The following PIEZO2 variants were observed in gnomAD, a reference collection of about 807,000 sequenced individuals.
PIEZO2 encodes piezo type mechanosensitive ion channel component 2.
A neutral mutation model predicts 337.3 loss-of-function variants in PIEZO2; 172 were observed. The ratio of observed to expected loss-of-function variants is 0.51; its 90% CI spans 0.45 to 0.58. PIEZO2 has a LOEUF of 0.58. Among genes scored for constraint, PIEZO2 ranks in the 20% least tolerant of loss-of-function variants. The probability of loss-of-function intolerance (pLI) is 0.00; values close to 1 mark genes in which losing one functional copy is unlikely to be tolerated. For missense variants in PIEZO2, 3,028 were observed against 3,391.3 expected (o/e 0.89, Z 2.66); for synonymous variants, 1,251 against 1,228.5 (o/e 1.02, Z -0.38).
chr18:10,699,519 C>T (rs982271851), intron 43 of PIEZO2, among the ~76,000 whole-genome samples: 4 of 152,278 alleles, frequency 2.6e-5, no homozygotes, highest in East Asian at 1.9e-4. Context: ...GCTCCTGCTC[C>T]CCTTCTGCCA....
chr18:10,682,618 C>T lies in PIEZO2; in HGVS notation c.7498-326G>A, dbSNP rs1469394792. Among the ~76,000 whole-genome samples the T allele has an allele frequency of 2.0e-5, 3 of 151,916 alleles. No homozygotes were observed. Among genetic ancestry groups the T allele is most frequent in the Non-Finnish European group, 4.4e-5 (3 of 68,010 alleles). ...CTCCTGGACCAAGGGATCAAGTATC[C>T]GGCCGAATGAACCTTCTGGTTTTAA... On this transcript the variant is annotated intron_variant, in intron 49 of 55. Coordinates refer to ENST00000674853, the MANE Select transcript of PIEZO2 (RefSeq NM_001378183.1). The surrounding 1 kb of genome is among the most constrained non-coding windows in gnomAD (Gnocchi z 5.6).
Position 11,053,690 on chromosome 18 carries a change from A to C in PIEZO2, c.160+12437T>G, listed in dbSNP as rs573570320. Reference sequence around the variant, plus strand: ...CCATATTGACCAGTATGTGGCACTCACTATATCATAAGTTATAAGGAACCT... The same window carrying C: ...CCATATTGACCAGTATGTGGCACTCCCTATATCATAAGTTATAAGGAACCT... On this transcript the variant is annotated intron_variant, in intron 2 of 55. Coordinates refer to ENST00000674853, the MANE Select transcript of PIEZO2 (RefSeq NM_001378183.1). 6.6e-5 allele frequency among the ~76,000 whole-genome samples: 10 copies of C among 152,334 alleles called. No individual in the cohort carries two copies. The East Asian group carries it at 1.7e-3, about 26-fold the overall frequency.
At position 10,746,384 on chromosome 18, in the gene PIEZO2, G is replaced by C. The variant is rs1024364944; in HGVS notation, c.4424+2087C>G. Among the ~76,000 whole-genome samples the C allele has an allele frequency of 6.6e-6, 1 of 152,112 alleles. No homozygotes were observed. Among genetic ancestry groups the C allele is most frequent in the African/African-American group, 2.4e-5 (1 of 41,410 alleles). ...GCTGCAGTCACTGTGAGCTTCTGAT[G>C]GCTACTTCCCTCCGTAGTTTCACTG... On this transcript the variant is annotated intron_variant, in intron 30 of 55. Coordinates refer to ENST00000674853, the MANE Select transcript of PIEZO2 (RefSeq NM_001378183.1). The surrounding 1 kb of genome is among the most constrained non-coding windows in gnomAD (Gnocchi z 4.2).
Position 10,724,360 on chromosome 18 carries a change from A to G in PIEZO2, c.5030-6101T>C, listed in dbSNP as rs60744741. Among the ~76,000 whole-genome samples, 7,028 of 152,212 alleles carry G rather than the reference A, an allele frequency of 0.046. 542 individuals carry two copies. Among genetic ancestry groups the G allele is most frequent in the African/African-American group, 0.16 (6,658 of 41,512 alleles). On this transcript the variant is annotated intron_variant, in intron 36 of 55. Coordinates refer to ENST00000674853, the MANE Select transcript of PIEZO2 (RefSeq NM_001378183.1). The surrounding 1 kb of genome is among the most constrained non-coding windows in gnomAD (Gnocchi z 5.8). Reference sequence around the variant, plus strand: ...GGTGACAGAGCAAGACCCTGTCTCAAAAAACAAAAACGAAAACAAAAGTGC... The same window carrying G: ...GGTGACAGAGCAAGACCCTGTCTCAGAAAACAAAAACGAAAACAAAAGTGC...
rs777814953 is a variant in PIEZO2, at chr18:10,847,233, G to A, written c.917+8120C>T. On this transcript the variant is annotated intron_variant, in intron 7 of 55. Transcript: ENST00000674853. This position sits in a 1 kb window ranked among gnomAD's most constrained non-coding sequence, Gnocchi z 5.7. ...CTGGCCAGATGACATGACGGCAGCC[G>A]GGGCAGGTGACTGCAGGTGAGCTGC... Among the ~76,000 whole-genome samples the A allele has an allele frequency of 1.1e-4, 16 of 152,224 alleles. No individual in the cohort carries two copies. The highest frequency in any genetic ancestry group is 1.9e-4 in the East Asian group (1 of 5,196).
chr18:10,812,588 T>C (rs892857940), intron 7 of PIEZO2, among the ~76,000 whole-genome samples: 2 of 152,104 alleles, frequency 1.3e-5, no homozygotes, highest in African/African-American at 4.8e-5. Flanking sequence ...TCAGGAAGGG[T>C]TGCTCATCGC....
Position 10,979,025 on chromosome 18 carries a change from T to TA in PIEZO2, c.286+509dup, listed in dbSNP as rs199934303. ...GATACTGTTTCCCTATAAATACTAATAAAAAAAACCTTCCAATTCAGAAAA... is the reference window on the plus strand; with the variant it reads ...GATACTGTTTCCCTATAAATACTAATAAAAAAAAACCTTCCAATTCAGAAAA... On this transcript the variant is annotated intron_variant, in intron 3 of 55. Transcript: ENST00000674853. This position sits in a 1 kb window ranked among gnomAD's most constrained non-coding sequence, Gnocchi z 4.0. Among the ~76,000 whole-genome samples, 576 of 151,956 alleles carry TA rather than the reference T, an allele frequency of 3.8e-3. 3 individuals are homozygous for TA. Among genetic ancestry groups the TA allele is most frequent in the African/African-American group, 0.013 (537 of 41,474 alleles).
Position 11,116,954 on chromosome 18 carries a change from T to C in PIEZO2, c.64+31571A>G. ...TGAAACCCTGTCTCTACTAAAAATATAAAAATTAGCCTGGCTTGGTGGCAC... is the reference window on the plus strand; with the variant it reads ...TGAAACCCTGTCTCTACTAAAAATACAAAAATTAGCCTGGCTTGGTGGCAC... On this transcript the variant is annotated intron_variant, in intron 1 of 55. Transcript: ENST00000674853. The surrounding 1 kb of genome is among the most constrained non-coding windows in gnomAD (Gnocchi z 5.0). Among the ~76,000 whole-genome samples the C allele has an allele frequency of 6.6e-6, 1 of 150,982 alleles. No homozygotes were observed. Among genetic ancestry groups the C allele is most frequent in the East Asian group, 2.0e-4 (1 of 5,038 alleles).
intron 3 of PIEZO2, among the ~76,000 whole-genome samples, chr18:10,957,886 G>A (rs188116534): frequency 1.2e-4 from 19 of 152,306 alleles, no homozygotes; most frequent in African/African-American, 4.6e-4. Context: ...GAAGAGATGT[G>A]AATGGCCAAC....
rs1357259062 is a variant in PIEZO2, at chr18:11,132,387, G to A, written c.64+16138C>T. Reference sequence around the variant, plus strand: ...TCTGAAGCAGGTGGATTGATAGAACGGTGGAATGGCCTTTTGAAGTCACAA... The same window carrying A: ...TCTGAAGCAGGTGGATTGATAGAACAGTGGAATGGCCTTTTGAAGTCACAA... On this transcript the variant is annotated intron_variant, in intron 1 of 55. Coordinates refer to ENST00000674853, the MANE Select transcript of PIEZO2 (RefSeq NM_001378183.1). The surrounding 1 kb of genome is among the most constrained non-coding windows in gnomAD (Gnocchi z 4.7). 6.6e-6 allele frequency among the ~76,000 whole-genome samples: 1 copy of A among 152,168 alleles called. No homozygotes were observed. The highest frequency in any genetic ancestry group is 1.5e-5 in the Non-Finnish European group (1 of 68,034).
At chr18:10,685,345 G>A (rs1223266711) in intron 49 of PIEZO2, among the ~76,000 whole-genome samples, 1 of 152,182 alleles carries the variant, frequency 6.6e-6, no homozygotes, top group African/African-American at 2.4e-5. Flanking sequence ...GTCTCAGGAA[G>A]TTTTGCCATG....
chr18:10,761,840 T>C (rs1161621925), intron 23 of PIEZO2, among the ~76,000 whole-genome samples: 1 of 152,210 alleles, frequency 6.6e-6, no homozygotes, highest in Non-Finnish European at 1.5e-5. Flanking sequence ...TACCCTTAAA[T>C]GCATTGCCAG....
intron 31 of PIEZO2, among the ~76,000 whole-genome samples, chr18:10,743,108 G>T (rs573584661): frequency 6.6e-6 from 1 of 152,104 alleles, no homozygotes; most frequent in Admixed American, 6.5e-5. Context: ...TATTCTTCTA[G>T]ACCTGATTTG....
chr18:11,143,633 ACACACACTCTCTCTCT>A lies in PIEZO2; in HGVS notation c.64+4876_64+4891del, dbSNP rs1254238243. Reference sequence around the variant, plus strand: ...CACACACACACACACACACACACACACACACACTCTCTCTCTCTCTCTCTCTCTCTCTCTCTCTCAC... The same window carrying A: ...CACACACACACACACACACACACACACTCTCTCTCTCTCTCTCTCTCTCAC... On this transcript the variant is annotated intron_variant, in intron 1 of 55. Transcript: ENST00000674853. The surrounding 1 kb of genome is among the most constrained non-coding windows in gnomAD (Gnocchi z 4.9). Among the ~76,000 whole-genome samples the A allele has an allele frequency of 5.8e-5, 4 of 68,980 alleles. No homozygotes were observed. Among genetic ancestry groups the A allele is most frequent in the African/African-American group, 3.2e-4 (4 of 12,434 alleles). 45.3% of individuals were successfully genotyped at this position (68,980 alleles called of 152,430 possible).
chr18:10,944,138 A>C (rs1220823111), intron 3 of PIEZO2, among the ~76,000 whole-genome samples: 1 of 152,198 alleles, frequency 6.6e-6, no homozygotes, highest in Non-Finnish European at 1.5e-5. Flanking sequence ...AACAACAAAA[A>C]ATAAAATAAG....
At chr18:10,915,578 G>A (rs2092259390) in intron 3 of PIEZO2, among the ~76,000 whole-genome samples, 1 of 152,134 alleles carries the variant, frequency 6.6e-6, no homozygotes, top group Non-Finnish European at 1.5e-5. Context: ...CAATAAAACA[G>A]TTTGCAGTTA....
rs2040156284 is a variant in PIEZO2 at position 11,125,420 on chromosome 18, G to A, written c.64+23105C>T. Among the ~76,000 whole-genome samples the A allele has an allele frequency of 6.6e-6, 1 of 152,162 alleles. No individual in the cohort carries two copies. Among genetic ancestry groups the A allele is most frequent in the African/African-American group, 2.4e-5 (1 of 41,432 alleles). ...CTTTTGCCATTATCTGAAGATACTT[G>A]AGAAAGGAAACAAGTCATTCCTATC... On this transcript the variant is annotated intron_variant, in intron 1 of 55. Coordinates refer to ENST00000674853, the MANE Select transcript of PIEZO2 (RefSeq NM_001378183.1). The surrounding 1 kb of genome is among the most constrained non-coding windows in gnomAD (Gnocchi z 4.4).
In PIEZO2 at chr18:10,856,329, T is replaced by A. The variant is rs2041704559; in HGVS notation, c.703+672A>T. On this transcript the variant is annotated intron_variant, in intron 6 of 55. Transcript: ENST00000674853. The surrounding 1 kb of genome is among the most constrained non-coding windows in gnomAD (Gnocchi z 4.7). ...TGTTGTGGTTTATTTCTTGAGAAAT[T>A]CTACTGTCATTTCCCCCATTTTTCC... Among the ~76,000 whole-genome samples, 1 of 152,192 alleles carries A rather than the reference T, an allele frequency of 6.6e-6. No homozygotes were observed. Among genetic ancestry groups the A allele is most frequent in the African/African-American group, 2.4e-5 (1 of 41,450 alleles).
Position 10,859,526 on chromosome 18 carries a change from C to G in PIEZO2, c.493-2315G>C, listed in dbSNP as rs1238718637. ...ACCAGGGAGAGAACAGCCCAGCCAT[C>G]CTGGCTCTCTCTCCTGCATCACAAT... On this transcript the variant is annotated intron_variant, in intron 5 of 55. Coordinates refer to ENST00000674853, the MANE Select transcript of PIEZO2 (RefSeq NM_001378183.1). This position sits in a 1 kb window ranked among gnomAD's most constrained non-coding sequence, Gnocchi z 4.9. 1.3e-5 allele frequency among the ~76,000 whole-genome samples: 2 copies of G among 152,230 alleles called. No individual in the cohort carries two copies. Among genetic ancestry groups the G allele is most frequent in the East Asian group, 1.9e-4 (1 of 5,178 alleles).
Sources: allele counts gnomAD v4.1 joint callset (sites outside exome capture counted in the v4.1 genomes callset), GRCh38; gene constraint gnomAD v4.1.1; non-coding constraint Gnocchi (gnomAD v3.1); transcripts MANE v1.5; gene names NCBI Gene and HGNC (gene_info 2026-07-23, HGNC 2026-07-21).